The following PANK3 variants were observed in gnomAD, a reference collection of about 807,000 sequenced individuals.
PANK3 encodes pantothenate kinase 3.
Under a neutral mutation model 39.4 loss-of-function variants are expected in PANK3, and 20 were observed. The observed-to-expected ratio is 0.51, with a 90% CI of 0.36 to 0.74. PANK3 has a LOEUF of 0.74. Among genes scored for constraint, PANK3 ranks in the 30% least tolerant of loss-of-function variants. The pLI is 0.00. For synonymous variants in PANK3, 140 were observed against 157.3 expected, an observed-to-expected ratio of 0.89 and a Z score of 0.82; for missense variants, 265 against 437.0, an observed-to-expected ratio of 0.61 and a Z score of 3.51.
chr5:168,570,797 C>G (rs1759617582), intron 1 of PANK3, among the ~76,000 whole-genome samples: 2 of 152,188 alleles, frequency 1.3e-5, no homozygotes, highest in South Asian at 4.1e-4. Context: ...GAGAGTGGCA[C>G]AGTCTACCTT....
intron 1 of PANK3, among the ~76,000 whole-genome samples, chr5:168,572,938 G>C (rs1029234928): frequency 2.6e-5 from 4 of 152,012 alleles, no homozygotes; most frequent in African/African-American, 9.7e-5. Context: ...TGTGGTAAGG[G>C]GTGATATTGT....
At chr5:168,570,592 G>A (rs1399543017) in intron 1 of PANK3, among the ~76,000 whole-genome samples, 1 of 152,072 alleles carries the variant, frequency 6.6e-6, no homozygotes, top group Admixed American at 6.5e-5. Flanking sequence ...TAAACCCTAT[G>A]CCTGTGTTTG....
At chr5:168,565,345 A>G (rs970234064) in intron 3 of PANK3, among the ~76,000 whole-genome samples, 14 of 152,292 alleles carry the variant, frequency 9.2e-5, no homozygotes, top group African/African-American at 3.1e-4. Context: ...TATTACAGAA[A>G]AGTATGTGGG....
intron 3 of PANK3, 97 bp from the exon 4 acceptor site, chr5:168,564,162 A>C (rs1369608775): frequency 9.0e-7 from 1 of 1,105,166 alleles, no homozygotes; most frequent in African/African-American, 1.6e-5. Context: ...ATGAACACAC[A>C]GAAAAAAAAC....
intron 1 of PANK3, among the ~76,000 whole-genome samples, chr5:168,575,491 A>G (rs1759716810): frequency 6.6e-6 from 1 of 152,190 alleles, no homozygotes; most frequent in African/African-American, 2.4e-5. Flanking sequence ...TACTGGTACC[A>G]TGCAGATTTC....
chr5:168,564,885 C>T (rs1189810157), intron 3 of PANK3, among the ~76,000 whole-genome samples: 1 of 152,212 alleles, frequency 6.6e-6, no homozygotes, highest in Non-Finnish European at 1.5e-5. Context: ...AGCTGGCCAA[C>T]ATGTCAATTA....
Position 168,557,258 on chromosome 5 carries a change from T to G in PANK3, c.*313A>C. 1 of 197,518 alleles carries G rather than the reference T, an allele frequency of 5.1e-6. No individual in the cohort carries two copies. The highest frequency in any genetic ancestry group is 1.0e-5 in the Non-Finnish European group (1 of 96,182). 12.2% of individuals were successfully genotyped at this position (197,518 alleles called of 1,614,324 possible). On this transcript the variant is annotated 3_prime_UTR_variant, in exon 7 of 7. Coordinates refer to ENST00000239231, the MANE Select transcript of PANK3 (RefSeq NM_024594.4). ...TTCATAAGCTAAACAGTTCCGATAC[T>G]TTAAGATTTGTGTTTGAGCATACAG...
chr5:168,571,032 C>T (rs566378140), intron 1 of PANK3, among the ~76,000 whole-genome samples: 2 of 152,166 alleles, frequency 1.3e-5, no homozygotes, highest in Admixed American at 6.5e-5. Flanking sequence ...GAGTGAGATA[C>T]GGGATGCTAT....
At chr5:168,572,813 A>G (rs2113030709) in intron 1 of PANK3, among the ~76,000 whole-genome samples, 1 of 152,188 alleles carries the variant, frequency 6.6e-6, no homozygotes, top group East Asian at 1.9e-4. Flanking sequence ...GAGCAGCAAA[A>G]AACTTTGGGG....
chr5:168,577,478 C>T (rs1561844261), intron 1 of PANK3, among the ~76,000 whole-genome samples: 1 of 152,062 alleles, frequency 6.6e-6, no homozygotes, highest in Non-Finnish European at 1.5e-5. Flanking sequence ...GGACTACAGG[C>T]GTGTGCCACC....
Position 168,552,195 on chromosome 5 carries a change from A to G in PANK3, c.*5376T>C, listed in dbSNP as rs145198653. 6.6e-6 allele frequency: 1 copy of G among 152,318 alleles called. No homozygotes were observed. The highest frequency in any genetic ancestry group is 1.9e-4 in the East Asian group (1 of 5,192). The allele number at this position is 152,318 out of a possible 1,614,324, so 9.4% of individuals were successfully genotyped here. A position where few individuals can be genotyped will look rare whatever the true frequency, so the allele number is the denominator to read the frequency against. ...AAAAGTTACAAAGATTTTTCTGTGTACAGAGGTCTACAATGCATTAAAGTT... is the reference window on the plus strand; with the variant it reads ...AAAAGTTACAAAGATTTTTCTGTGTGCAGAGGTCTACAATGCATTAAAGTT... On this transcript the variant is annotated 3_prime_UTR_variant, in exon 7 of 7. Coordinates refer to ENST00000239231, the MANE Select transcript of PANK3 (RefSeq NM_024594.4).
In PANK3 at chr5:168,557,531, C is replaced by G; in HGVS notation, c.*40G>C. 1 of 1,587,150 alleles carries G rather than the reference C, an allele frequency of 6.3e-7. No homozygotes were observed. The highest frequency in any genetic ancestry group is 8.6e-7 in the Non-Finnish European group (1 of 1,157,004). On this transcript the variant is annotated 3_prime_UTR_variant, in exon 7 of 7. Transcript: ENST00000239231. Reference sequence around the variant, plus strand: ...AATAATGCCTCTGGTTTTAGTTCCTCTTGGATGACATTTATTAGCAGAGAG... The same window carrying G: ...AATAATGCCTCTGGTTTTAGTTCCTGTTGGATGACATTTATTAGCAGAGAG...
chr5:168,570,201 C>T (rs570413622), intron 1 of PANK3, among the ~76,000 whole-genome samples: 159 of 151,720 alleles, frequency 1.0e-3, no homozygotes, highest in African/African-American at 3.3e-3. Context: ...GCTAACACAG[C>T]GAAACCCCGT....
chr5:168,562,191 T>C (rs1759458748), intron 4 of PANK3, among the ~76,000 whole-genome samples: 4 of 151,698 alleles, frequency 2.6e-5, no homozygotes, highest in Admixed American at 2.6e-4. Flanking sequence ...GCGCTAACAG[T>C]AACAGGGAAA....
At chr5:168,563,858 G>GT in intron 4 of PANK3, 31 bp downstream of exon 4, 7 of 1,537,748 alleles carry the variant, frequency 4.6e-6, no homozygotes, top group Non-Finnish European at 6.1e-6. Flanking sequence ...CTTAACTTCT[G>GT]TAACTTAAAT....
intron 4 of PANK3, 81 bp from the exon 5 acceptor site, chr5:168,561,597 G>A: frequency 4.2e-6 from 5 of 1,190,948 alleles, no homozygotes; most frequent in Non-Finnish European, 5.5e-6. Flanking sequence ...CTACAACCTG[G>A]ATATTTTTAT....
rs140726955 is a variant in PANK3, at chr5:168,555,030, G to C, written c.*2541C>G. The C allele has an allele frequency of 6.6e-6, 1 of 152,226 alleles. No homozygotes were observed. The highest frequency in any genetic ancestry group is 6.5e-5 in the Admixed American group (1 of 15,292). The allele number at this position is 152,226 out of a possible 1,614,324, so 9.4% of individuals were successfully genotyped here. On this transcript the variant is annotated 3_prime_UTR_variant, in exon 7 of 7. Transcript: ENST00000239231. The stretch of plus-strand genomic sequence containing the variant: ...TAATCTAGAGGTACTGGAATAATAA[G>C]AACACAAAATCATAATGAAGGCTGC...
At chr5:168,569,782 T>A (rs767959836) in intron 1 of PANK3, among the ~76,000 whole-genome samples, 1 of 152,130 alleles carries the variant, frequency 6.6e-6, no homozygotes, top group Non-Finnish European at 1.5e-5. Context: ...CCAGGTATGG[T>A]GCTCACACCT....
At chr5:168,578,380 T>A (rs1453516375) in intron 1 of PANK3, among the ~76,000 whole-genome samples, 1 of 152,204 alleles carries the variant, frequency 6.6e-6, no homozygotes, top group East Asian at 1.9e-4. Context: ...AGAGATCACA[T>A]GAAACACTGT....
Sources: allele counts gnomAD v4.1 joint callset (sites outside exome capture counted in the v4.1 genomes callset), GRCh38; gene constraint gnomAD v4.1.1; transcripts MANE v1.5; gene names NCBI Gene and HGNC (gene_info 2026-07-23, HGNC 2026-07-21).